HPSE2: variants seen among roughly 807,000 people sequenced by gnomAD.
HPSE2 encodes heparanase 2 (inactive).
Under a neutral mutation model 60.5 loss-of-function variants are expected in HPSE2, and 38 were observed. The observed-to-expected ratio is 0.63, with a 90% CI of 0.48 to 0.82. HPSE2 has a LOEUF of 0.82. Ranked by LOEUF, HPSE2 falls within the 40% of genes least tolerant of loss-of-function variation. The pLI is 0.00. For missense variants in HPSE2, 713 were observed against 740.4 expected (o/e 0.96, Z 0.43); for synonymous variants, 295 against 293.2 (o/e 1.01, Z -0.06).
rs140763202 is a variant in HPSE2, at chr10:98,671,316, C to A, written c.1004+22584G>T. Among the ~76,000 whole-genome samples, 771 of 152,216 alleles carry A rather than the reference C, an allele frequency of 5.1e-3. 9 individuals carry two copies. Among genetic ancestry groups the A allele is most frequent in the Non-Finnish European group, 8.9e-3 (604 of 68,004 alleles). On this transcript the variant is annotated intron_variant, in intron 6 of 11. Transcript: ENST00000370552. Reference sequence around the variant, plus strand: ...CATCTTCTTGCTTGGAGTTAGAGAGCCAAGTCAAATGGTCTCTTTATGTGC... The same window carrying A: ...CATCTTCTTGCTTGGAGTTAGAGAGACAAGTCAAATGGTCTCTTTATGTGC...
At chr10:99,060,432 G>A (rs939403669) in intron 3 of HPSE2, among the ~76,000 whole-genome samples, 1 of 152,086 alleles carries the variant, frequency 6.6e-6, no homozygotes, top group Non-Finnish European at 1.5e-5. Flanking sequence ...ACTGAGGTGG[G>A]CAGATCACCT....
chr10:98,551,048 T>C (rs545637622), intron 9 of HPSE2, among the ~76,000 whole-genome samples: 1 of 152,176 alleles, frequency 6.6e-6, no homozygotes, highest in Admixed American at 6.5e-5. Flanking sequence ...GAATTATAAA[T>C]AGTTTTATGA....
chr10:99,097,314 T>C (rs1317866221), intron 3 of HPSE2, among the ~76,000 whole-genome samples: 1 of 152,226 alleles, frequency 6.6e-6, no homozygotes, highest in Non-Finnish European at 1.5e-5. Context: ...TAAGAACTTT[T>C]ATATTTCCTA....
At chr10:98,470,102 GGTGTGT>G (rs55762346) in intron 11 of HPSE2, among the ~76,000 whole-genome samples, 5 of 150,274 alleles carry the variant, frequency 3.3e-5, no homozygotes, top group East Asian at 3.9e-4. Context: ...TAGGAAGGCA[GGTGTGT>G]GTGTGTGTGT....
At chr10:98,984,703 G>C (rs1213272005) in intron 3 of HPSE2, among the ~76,000 whole-genome samples, 1 of 152,176 alleles carries the variant, frequency 6.6e-6, no homozygotes, top group Non-Finnish European at 1.5e-5. Context: ...TGAGCTAAAG[G>C]AGGAAGTTCG....
chr10:98,648,368 A>C (rs910784460), intron 6 of HPSE2, among the ~76,000 whole-genome samples: 1 of 152,190 alleles, frequency 6.6e-6, no homozygotes, highest in South Asian at 2.1e-4. Context: ...GACCTCTAAA[A>C]ATTTTCAGAA....
intron 3 of HPSE2, among the ~76,000 whole-genome samples, chr10:98,935,721 C>T (rs980065484): frequency 1.4e-5 from 2 of 144,278 alleles, no homozygotes; most frequent in Admixed American, 1.4e-4. Flanking sequence ...AAGGCATCTG[C>T]CAACCACTGT....
intron 9 of HPSE2, among the ~76,000 whole-genome samples, chr10:98,607,521 T>C (rs2133958834): frequency 6.6e-6 from 1 of 152,346 alleles, no homozygotes; most frequent in Non-Finnish European, 1.5e-5. Context: ...TATTGCAGCC[T>C]GGTTACTGCC....
At chr10:98,793,985 G>C (rs975539505) in intron 3 of HPSE2, among the ~76,000 whole-genome samples, 1 of 152,226 alleles carries the variant, frequency 6.6e-6, no homozygotes, top group Middle Eastern at 3.4e-3. Flanking sequence ...TATACATGAG[G>C]GATCTCAAAA....
At chr10:98,772,340 A>G (rs1950258499) in intron 3 of HPSE2, among the ~76,000 whole-genome samples, 1 of 152,140 alleles carries the variant, frequency 6.6e-6, no homozygotes. Context: ...TGGGAAACTG[A>G]GGATGGTTGC....
chr10:98,480,258 T>C (rs1009688041), intron 11 of HPSE2, among the ~76,000 whole-genome samples: 5 of 152,062 alleles, frequency 3.3e-5, no homozygotes, highest in Admixed American at 2.0e-4. Context: ...ATTTTTGTAT[T>C]TTTTTTGTAC....
chr10:99,057,147 T>C (rs1463165585), intron 3 of HPSE2, among the ~76,000 whole-genome samples: 2 of 152,204 alleles, frequency 1.3e-5, no homozygotes, highest in African/African-American at 2.4e-5. Flanking sequence ...TATAATTTTA[T>C]CAAAACTAAT....
At chr10:98,983,456 G>A (rs1180035624) in intron 3 of HPSE2, among the ~76,000 whole-genome samples, 3 of 152,136 alleles carry the variant, frequency 2.0e-5, no homozygotes, top group African/African-American at 4.8e-5. Flanking sequence ...TGCCAATCTC[G>A]GGATATTCCA....
At chr10:98,633,010 T>G (rs1453348973) in intron 7 of HPSE2, among the ~76,000 whole-genome samples, 1 of 152,096 alleles carries the variant, frequency 6.6e-6, no homozygotes, top group Non-Finnish European at 1.5e-5. Flanking sequence ...CTTTCTGCCC[T>G]TCTACCTCCC....
At chr10:98,610,677 T>G (rs567191371) in intron 9 of HPSE2, among the ~76,000 whole-genome samples, 264 of 152,322 alleles carry the variant, frequency 1.7e-3, no homozygotes, top group African/African-American at 6.1e-3. Context: ...AGCTTTTTAT[T>G]TTATTCCAAA....
At chr10:99,308,639 A>G in the HPSE2 span, among the ~76,000 whole-genome samples, 7 of 152,216 alleles carry the variant, frequency 4.6e-5, no homozygotes, top group East Asian at 1.4e-3. Context: ...CACTTTTATT[A>G]TTATTTTTGC....
At chr10:99,079,025 T>C (rs1564789611) in intron 3 of HPSE2, among the ~76,000 whole-genome samples, 1 of 152,162 alleles carries the variant, frequency 6.6e-6, no homozygotes, top group African/African-American at 2.4e-5. Context: ...TCTATCCAAC[T>C]CGTTTCCTCC....
At chr10:98,820,009 G>A (rs1176362651) in intron 3 of HPSE2, among the ~76,000 whole-genome samples, 2 of 151,998 alleles carry the variant, frequency 1.3e-5, no homozygotes, top group Admixed American at 1.3e-4. Context: ...CTCACAGAAT[G>A]TAAATTTTAT....
At chr10:98,682,634 A>G (rs1392427905) in intron 6 of HPSE2, among the ~76,000 whole-genome samples, 1 of 152,174 alleles carries the variant, frequency 6.6e-6, no homozygotes, top group African/African-American at 2.4e-5. Flanking sequence ...GGCCAGGAAA[A>G]GATCAAAATT....
Sources: gnomAD v4.1 joint callset for allele counts (sites outside exome capture counted in the v4.1 genomes callset) on GRCh38, gnomAD v4.1.1 for gene constraint, MANE v1.5 for transcripts, NCBI Gene and HGNC (gene_info 2026-07-23, HGNC 2026-07-21) for gene names.